NGF: variants seen among roughly 807,000 people sequenced by gnomAD.
The protein encoded by NGF is nerve growth factor.
A neutral mutation model predicts 12.8 loss-of-function variants in NGF; 4 were observed. The ratio of observed to expected loss-of-function variants is 0.31; its 90% CI spans 0.15 to 0.72. NGF has a LOEUF of 0.72. Among genes scored for constraint, NGF ranks in the 30% least tolerant of loss-of-function variants. The pLI is 0.69. For missense variants in NGF, 283 were observed against 330.8 expected, an observed-to-expected ratio of 0.86 and a Z score of 1.12; for synonymous variants, 140 against 130.0, an observed-to-expected ratio of 1.08 and a Z score of -0.52.
At chr1:115,334,694 A>T (rs1655062662) in intron 1 of NGF, among the ~76,000 whole-genome samples, 1 of 152,172 alleles carries the variant, frequency 6.6e-6, no homozygotes, top group Non-Finnish European at 1.5e-5. Context: ...TTATCTTTGA[A>T]TACACTTAGC....
intron 1 of NGF, among the ~76,000 whole-genome samples, chr1:115,315,799 T>C (rs144525106): frequency 3.5e-4 from 53 of 152,270 alleles, no homozygotes; most frequent in African/African-American, 1.2e-3. Context: ...CTGAGGTTCA[T>C]TACGTGATTC....
In NGF at chr1:115,328,767, G is replaced by T. The variant is rs570609727; in HGVS notation, c.-137+9437C>A. 1.2e-4 allele frequency among the ~76,000 whole-genome samples: 19 copies of T among 152,288 alleles called. No homozygotes were observed. In the East Asian group the frequency reaches 3.5e-3, roughly 28 times the overall value. ...CAGTGGCAAGGCCATGAAAGGCCAT[G>T]CTACCCAATGTCAGTGCCCAGTGAC... On this transcript the variant is annotated intron_variant, in intron 1 of 2. Transcript: ENST00000369512.
intron 1 of NGF, among the ~76,000 whole-genome samples, chr1:115,325,939 TA>T (rs756183436): frequency 6.6e-6 from 1 of 151,878 alleles, no homozygotes; most frequent in Non-Finnish European, 1.5e-5. Flanking sequence ...GCTTGGGGGT[TA>T]AAAAAAATTC....
chr1:115,292,342 C>T (rs1435738907), intron 2 of NGF, among the ~76,000 whole-genome samples: 1 of 152,152 alleles, frequency 6.6e-6, no homozygotes, highest in Non-Finnish European at 1.5e-5. Context: ...GGCTCTCAAA[C>T]TTCAGGGCAT....
At chr1:115,320,580 G>A (rs897469738) in intron 1 of NGF, among the ~76,000 whole-genome samples, 5 of 152,170 alleles carry the variant, frequency 3.3e-5, no homozygotes, top group South Asian at 2.1e-4. Context: ...GATGATTCAC[G>A]TTCCGGGCAG....
chr1:115,326,229 CAGGGACATGTGTATTCCTG>C (rs1654773234), intron 1 of NGF, among the ~76,000 whole-genome samples: 1 of 152,114 alleles, frequency 6.6e-6, no homozygotes, highest in Admixed American at 6.5e-5. Flanking sequence ...GGAGAAGAGA[CAGGGACATGTGTATTCCTG>C]AGGTGTCCTG....
chr1:115,328,980 G>C (rs1654841872), intron 1 of NGF, among the ~76,000 whole-genome samples: 1 of 152,132 alleles, frequency 6.6e-6, no homozygotes, highest in Non-Finnish European at 1.5e-5. Context: ...AAACCTTAGG[G>C]ATAAAAACAT....
At chr1:115,320,830 G>A (rs1365034916) in intron 1 of NGF, among the ~76,000 whole-genome samples, 1 of 152,194 alleles carries the variant, frequency 6.6e-6, no homozygotes, top group African/African-American at 2.4e-5. Context: ...CTAATTTGGA[G>A]CATCTGCTAC....
intron 1 of NGF, among the ~76,000 whole-genome samples, chr1:115,302,113 G>A (rs1284233722): frequency 1.3e-5 from 2 of 152,214 alleles, no homozygotes; most frequent in Non-Finnish European, 2.9e-5. Flanking sequence ...TCCCACAGCT[G>A]CGCCAGTTTA....
chr1:115,337,256 GTTTTGTTTTTGTTTTTTTTTTTTTTTTTT>G (rs1655136984), intron 1 of NGF, among the ~76,000 whole-genome samples: 2 of 27,200 alleles, frequency 7.4e-5, no homozygotes, highest in African/African-American at 3.3e-4. Flanking sequence ...AATTTTTTTT[GTTTTGTTTTTGTTTTTTTTTTTTTTTTTT>G]TTTTTTTTTT....
In NGF at chr1:115,337,263, TTTTG is replaced by T. The variant is rs1557950744; in HGVS notation, c.-137+937_-137+940del. ...AATCTCGAAATTTTTTTTGTTTTGT[TTTTG>T]TTTTTTTTTTTTTTTTTTTTTTTTT... On this transcript the variant is annotated intron_variant, in intron 1 of 2. Transcript: ENST00000369512. Among the ~76,000 whole-genome samples, 75 of 82,718 alleles carry T rather than the reference TTTTG, an allele frequency of 9.1e-4. 1 individual carries two copies. The highest frequency in any genetic ancestry group is 4.0e-3 in the African/African-American group (63 of 15,736). 54.3% of individuals were successfully genotyped at this position (82,718 alleles called of 152,430 possible). A position where few individuals can be genotyped will look rare whatever the true frequency, so the allele number is the denominator to read the frequency against.
chr1:115,288,036 A>G (rs998523711), intron 2 of NGF, among the ~76,000 whole-genome samples: 1 of 152,134 alleles, frequency 6.6e-6, no homozygotes, highest in African/African-American at 2.4e-5. Context: ...CAAACTTCCA[A>G]TTCTATCCTT....
chr1:115,334,362 C>T (rs1472747167), intron 1 of NGF, among the ~76,000 whole-genome samples: 1 of 152,122 alleles, frequency 6.6e-6, no homozygotes, highest in African/African-American at 2.4e-5. Context: ...ATGCAGTCTG[C>T]CTGTGTTTTT....
intron 1 of NGF, among the ~76,000 whole-genome samples, chr1:115,330,871 CTT>C (rs1257426339): frequency 1.3e-5 from 2 of 152,166 alleles, no homozygotes; most frequent in Non-Finnish European, 2.9e-5. Context: ...TCCTGGAGTA[CTT>C]CTCCTTACTG....
intron 1 of NGF, among the ~76,000 whole-genome samples, chr1:115,294,930 T>C (rs1253801053): frequency 2.0e-5 from 3 of 152,152 alleles, no homozygotes; most frequent in Non-Finnish European, 2.9e-5. Context: ...GAGGGTGATA[T>C]TTACGGATAA....
At chr1:115,319,996 C>T (rs7513144) in intron 1 of NGF, among the ~76,000 whole-genome samples, 1 of 152,110 alleles carries the variant, frequency 6.6e-6, no homozygotes, top group Admixed American at 6.5e-5. Flanking sequence ...TTAACTCATG[C>T]GGACGTTCTG....
At chr1:115,326,313 C>T (rs1015691702) in intron 1 of NGF, among the ~76,000 whole-genome samples, 40 of 152,190 alleles carry the variant, frequency 2.6e-4, no homozygotes, top group African/African-American at 8.2e-4. Context: ...CTCAGGCATT[C>T]GTTTGTGTTC....
chr1:115,303,566 T>C (rs1170465097), intron 1 of NGF, among the ~76,000 whole-genome samples: 1 of 151,460 alleles, frequency 6.6e-6, no homozygotes, highest in Non-Finnish European at 1.5e-5. Context: ...ATCATCACCA[T>C]CCTCCCCAAC....
At chr1:115,335,139 C>G (rs1386253116) in intron 1 of NGF, among the ~76,000 whole-genome samples, 2 of 152,212 alleles carry the variant, frequency 1.3e-5, no homozygotes, top group African/African-American at 4.8e-5. Context: ...TGTTTTCATT[C>G]TTCTGGTCTT....
Sources: gnomAD v4.1 joint callset for allele counts (sites outside exome capture counted in the v4.1 genomes callset) on GRCh38, gnomAD v4.1.1 for gene constraint, MANE v1.5 for transcripts, NCBI Gene and HGNC (gene_info 2026-07-23, HGNC 2026-07-21) for gene names.